MICU1: variants seen among roughly 807,000 people sequenced by gnomAD.
MICU1 encodes the protein calcium uptake protein 1, mitochondrial.
A neutral mutation model predicts 56.8 loss-of-function variants in MICU1; 45 were observed. The ratio of observed to expected loss-of-function variants is 0.79; its 90% CI spans 0.62 to 1.02. The LOEUF (loss-of-function observed/expected upper bound fraction) is 1.02, where lower values mean the gene tolerates loss of function less well. Among genes scored for constraint, MICU1 ranks in the 50% least tolerant of loss-of-function variants. The pLI is 0.00. For missense variants in MICU1, 504 were observed against 587.1 expected (o/e 0.86, Z 1.46); for synonymous variants, 186 against 195.1 (o/e 0.95, Z 0.39).
intron 10 of MICU1, among the ~76,000 whole-genome samples, chr10:72,407,107 G>A (rs1375045802): frequency 6.6e-6 from 1 of 152,126 alleles, no homozygotes; most frequent in East Asian, 1.9e-4. Context: ...CAGTACAAAG[G>A]TTGCCTCTTG....
At chr10:72,543,219 G>A (rs1233397275) in intron 4 of MICU1, among the ~76,000 whole-genome samples, 1 of 152,130 alleles carries the variant, frequency 6.6e-6, no homozygotes, top group African/African-American at 2.4e-5. Flanking sequence ...TCTGCCTCTT[G>A]TTGCTATCAG....
chr10:72,391,436 CA>C (rs1217225495), intron 10 of MICU1, among the ~76,000 whole-genome samples: 16 of 143,024 alleles, frequency 1.1e-4, no homozygotes, highest in Admixed American at 2.8e-4. Context: ...AACTCCATCT[CA>C]AAAAAAAAAT....
chr10:72,401,647 C>T lies in MICU1; in HGVS notation c.1180+6282G>A, dbSNP rs551381317. ...ACAGCCTGGGCAACAGAGTGAGACC[C>T]TGTCTCAAAAAAACAAAAACGAAAA... On this transcript the variant is annotated intron_variant, in intron 10 of 11. Coordinates refer to ENST00000361114, the MANE Select transcript of MICU1 (RefSeq NM_001195518.2). 2.0e-5 allele frequency among the ~76,000 whole-genome samples: 3 copies of T among 152,272 alleles called. No individual in the cohort carries two copies. The South Asian group carries it at 6.2e-4, about 32-fold the overall frequency.
chr10:72,594,925 C>CAAAAAAAAAAAAAAAAAAA (rs57504317), intron 1 of MICU1, among the ~76,000 whole-genome samples: 1 of 50,736 alleles, frequency 2.0e-5, no homozygotes. Flanking sequence ...AAGTACAATC[C>CAAAAAAAAAAAAAAAAAAA]AAAAAAAAAA....
At chr10:72,579,510 C>T (rs569223361) in intron 1 of MICU1, among the ~76,000 whole-genome samples, 2 of 152,278 alleles carry the variant, frequency 1.3e-5, no homozygotes, top group Admixed American at 6.5e-5. Flanking sequence ...ATCTGAAATG[C>T]CCTAAAATCC....
intron 9 of MICU1, among the ~76,000 whole-genome samples, chr10:72,409,825 A>C (rs991815869): frequency 7.9e-5 from 12 of 152,218 alleles, no homozygotes; most frequent in African/African-American, 2.4e-5. Context: ...ATAAAATATA[A>C]ATGTACAACT....
At chr10:72,608,816 C>A (rs988233955) in intron 1 of MICU1, among the ~76,000 whole-genome samples, 2 of 152,300 alleles carry the variant, frequency 1.3e-5, no homozygotes, top group Non-Finnish European at 2.9e-5. Context: ...CAACCACAGG[C>A]ACCCAACTGT....
At position 72,432,697 on chromosome 10, in the gene MICU1, A is replaced by G. The variant is rs370194269; in HGVS notation, c.934-9326T>C. ...TAAAAAACCAGCTCTCATGTGAACGAGAGCAAGAACTCATTCATTACTATG... is the reference window on the plus strand; with the variant it reads ...TAAAAAACCAGCTCTCATGTGAACGGGAGCAAGAACTCATTCATTACTATG... On this transcript the variant is annotated intron_variant, in intron 8 of 11. Coordinates refer to ENST00000361114, the MANE Select transcript of MICU1 (RefSeq NM_001195518.2). Among the ~76,000 whole-genome samples, 45 of 152,294 alleles carry G rather than the reference A, an allele frequency of 3.0e-4. 1 individual carries two copies. The East Asian group carries it at 7.5e-3, about 25-fold the overall frequency.
intron 11 of MICU1, among the ~76,000 whole-genome samples, chr10:72,372,769 G>A (rs1373454645): frequency 6.6e-6 from 1 of 152,038 alleles, no homozygotes; most frequent in Non-Finnish European, 1.5e-5. Context: ...TTGAACCCAG[G>A]AGGCAGAGGC....
Position 72,423,351 on chromosome 10 carries a change from C to T in MICU1, c.954G>A (p.Val318=), listed in dbSNP as rs1485131428. 1 of 1,613,778 alleles carries T rather than the reference C, an allele frequency of 6.2e-7. No individual in the cohort carries two copies. Among genetic ancestry groups the T allele is most frequent in the African/African-American group, 1.3e-5 (1 of 74,928 alleles). ...ACTGCCTCTCAGTAATTCTCCCATC[C>T]ACAGGGTCATGGCGTTCAAACTGGG... ...LKLEFERHDP[V]DGRITERQFG... Residue 318 remains valine (V), a synonymous_variant, in exon 9 of 12, where the codon GTG becomes GTA. Transcript: ENST00000361114.
intron 7 of MICU1, 65 bp from the exon 8 acceptor site, chr10:72,475,362 A>T (rs1415902678): frequency 7.4e-7 from 1 of 1,355,770 alleles, no homozygotes; most frequent in Non-Finnish European, 1.0e-6. Flanking sequence ...AACATAGAAA[A>T]GCAAGAATCA....
intron 10 of MICU1, among the ~76,000 whole-genome samples, chr10:72,385,500 C>A (rs1187249364): frequency 6.6e-6 from 1 of 151,858 alleles, no homozygotes; most frequent in African/African-American, 2.4e-5. Context: ...AAAAAACCAA[C>A]CAAACAAACA....
intron 8 of MICU1, among the ~76,000 whole-genome samples, chr10:72,474,258 C>CAAAAAAAAAAAA (rs55978543): frequency 1.5e-4 from 9 of 60,728 alleles, no homozygotes; most frequent in Non-Finnish European, 2.2e-4. Flanking sequence ...AGGACTGTCT[C>CAAAAAAAAAAAA]AAAAAAAAAA....
chr10:72,448,121 ATGTGTGTGTGTG>A (rs150733309), intron 8 of MICU1, among the ~76,000 whole-genome samples: 1 of 121,786 alleles, frequency 8.2e-6, no homozygotes, highest in Non-Finnish European at 1.6e-5. Context: ...GTTTATATAT[ATGTGTGTGTGTG>A]TGTGTGTGTG....
At chr10:72,446,404 C>T (rs539235086) in intron 8 of MICU1, among the ~76,000 whole-genome samples, 14 of 150,538 alleles carry the variant, frequency 9.3e-5, no homozygotes, top group Admixed American at 7.3e-4. Flanking sequence ...GATCTCGGCT[C>T]ACTCCAACCT....
At chr10:72,625,004 A>T (rs536634320) in intron 1 of MICU1, among the ~76,000 whole-genome samples, 15 of 152,068 alleles carry the variant, frequency 9.9e-5, no homozygotes, top group Non-Finnish European at 1.8e-4. Flanking sequence ...TGAAACCTAA[A>T]CTCTCCTACA....
At chr10:72,448,187 A>ATTT (rs1564875089) in intron 8 of MICU1, among the ~76,000 whole-genome samples, 1 of 65,024 alleles carries the variant, frequency 1.5e-5, no homozygotes, top group East Asian at 3.7e-4. Context: ...ATATATATAT[A>ATTT]TATATATTTT....
intron 6 of MICU1, among the ~76,000 whole-genome samples, chr10:72,478,578 G>C (rs1589260578): frequency 6.6e-6 from 1 of 152,122 alleles, no homozygotes; most frequent in African/African-American, 2.4e-5. Context: ...TTTATGCAGA[G>C]AAAAAAGTAA....
chr10:72,595,102 T>G (rs528301298), intron 1 of MICU1, among the ~76,000 whole-genome samples: 1 of 151,848 alleles, frequency 6.6e-6, no homozygotes, highest in African/African-American at 2.4e-5. Context: ...TATTTTTCCA[T>G]GTGTAAATCC....
Sources: allele counts gnomAD v4.1 joint callset (sites outside exome capture counted in the v4.1 genomes callset), GRCh38; gene constraint gnomAD v4.1.1; transcripts MANE v1.5; gene names NCBI Gene and HGNC (gene_info 2026-07-23, HGNC 2026-07-21).